MFHAS1: variants seen among roughly 807,000 people sequenced by gnomAD.
MFHAS1 encodes the protein multifunctional ROCO family signaling regulator 1, also known as malignant fibrous histiocytoma-amplified sequence 1.
MFHAS1 carries 50 observed loss-of-function variants against 70.4 expected under a neutral mutation model. The observed-to-expected ratio is 0.71, with a 90% CI of 0.57 to 0.90. MFHAS1 has a LOEUF of 0.90. MFHAS1 is among the 40% of genes least tolerant of loss of function. MFHAS1 has a pLI of 0.00. For missense variants in MFHAS1, 1,795 were observed against 1,347.6 expected (o/e 1.33, Z -5.20); for synonymous variants, 952 against 620.0 (o/e 1.54, Z -7.96).
In MFHAS1 at chr8:8,785,959, C is replaced by G. The variant is rs1026661729; in HGVS notation, c.*63G>C. 6.5e-7 allele frequency: 1 copy of G among 1,547,290 alleles called. No individual in the cohort carries two copies. Among genetic ancestry groups the G allele is most frequent in the African/African-American group, 1.4e-5 (1 of 73,346 alleles). Reference sequence around the variant, plus strand: ...GTGAGTGCAGAGGGTCTGCCAGGTGCAAAAGATGGTCCAGGTGTTCAGATG... The same window carrying G: ...GTGAGTGCAGAGGGTCTGCCAGGTGGAAAAGATGGTCCAGGTGTTCAGATG... On this transcript the variant is annotated 3_prime_UTR_variant, in exon 3 of 3. Coordinates refer to ENST00000276282, the MANE Select transcript of MFHAS1 (RefSeq NM_004225.3).
At chr8:8,847,105 A>G (rs1163497269) in intron 1 of MFHAS1, among the ~76,000 whole-genome samples, 3 of 152,184 alleles carry the variant, frequency 2.0e-5, no homozygotes, top group Non-Finnish European at 4.4e-5. Flanking sequence ...TGAGGCTAAC[A>G]CCAATGATAT....
intron 1 of MFHAS1, among the ~76,000 whole-genome samples, chr8:8,808,123 C>T (rs554872274): frequency 4.3e-4 from 65 of 152,266 alleles, no homozygotes; most frequent in African/African-American, 1.4e-3. Flanking sequence ...ACACTGTAGA[C>T]GCTCCCCTGG....
intron 1 of MFHAS1, among the ~76,000 whole-genome samples, chr8:8,829,891 G>A (rs1223632119): frequency 5.3e-5 from 8 of 152,202 alleles, no homozygotes; most frequent in Admixed American, 2.6e-4. Context: ...GTTCAGAGGT[G>A]CCCAGAGGCC....
At chr8:8,808,387 C>T (rs556490511) in intron 1 of MFHAS1, among the ~76,000 whole-genome samples, 18 of 152,366 alleles carry the variant, frequency 1.2e-4, no homozygotes, top group Admixed American at 8.5e-4. Context: ...GGCACTTTCT[C>T]GGTTATCAGA....
rs540423771 is a variant in MFHAS1, at chr8:8,869,464, T to C, written c.2998+20597A>G. Among the ~76,000 whole-genome samples the C allele has an allele frequency of 6.6e-5, 10 of 152,292 alleles. No homozygotes were observed. The South Asian group carries it at 1.2e-3, about 19-fold the overall frequency. Reference sequence around the variant, plus strand: ...TAAAGCGGTGACAGGTTACTAGATATTTATAAAGTCTCTTATTTCTATGAG... The same window carrying C: ...TAAAGCGGTGACAGGTTACTAGATACTTATAAAGTCTCTTATTTCTATGAG... On this transcript the variant is annotated intron_variant, in intron 1 of 2. Coordinates refer to ENST00000276282, the MANE Select transcript of MFHAS1 (RefSeq NM_004225.3).
chr8:8,891,184 C>G lies in MFHAS1; in HGVS notation c.1875G>C (p.Leu625Phe). ...NHRLQILSPV[L>F]PVSCRDPRHL... The stretch of plus-strand genomic sequence containing the variant: ...GGCGCGGGTCCCTGCAGCTAACAGG[C>G]AACACGGGGGAGAGGATCTGCAGCC... Residue 625 changes from leucine (L) to phenylalanine (F), a missense_variant, in exon 1 of 3, where the codon TTG becomes TTC. Coordinates refer to ENST00000276282, the MANE Select transcript of MFHAS1 (RefSeq NM_004225.3). The surrounding 1 kb of genome is among the most constrained non-coding windows in gnomAD (Gnocchi z 5.4). 1 of 1,613,196 alleles carries G rather than the reference C, an allele frequency of 6.2e-7. No homozygotes were observed. Among genetic ancestry groups the G allele is most frequent in the East Asian group, 2.2e-5 (1 of 44,882 alleles).
intron 1 of MFHAS1, among the ~76,000 whole-genome samples, chr8:8,811,881 A>G (rs1182067578): frequency 6.6e-6 from 1 of 152,216 alleles, no homozygotes; most frequent in Non-Finnish European, 1.5e-5. Context: ...CGGGGGCCAG[A>G]GTCCACACCC....
intron 1 of MFHAS1, among the ~76,000 whole-genome samples, chr8:8,811,503 C>G (rs1296858835): frequency 6.6e-6 from 1 of 152,180 alleles, no homozygotes; most frequent in African/African-American, 2.4e-5. Flanking sequence ...GTCTCAGACT[C>G]ATGGTCTCAA....
rs1809997621 is a variant in MFHAS1 at position 8,891,008 on chromosome 8, C to A, written c.2051G>T (p.Trp684Leu). Residue 684 changes from tryptophan to leucine, a missense_variant, in exon 1 of 3, where the codon TGG (tryptophan) becomes TTG (leucine). Trp to Leu is a moderately conservative substitution (Grantham distance 61). Transcript: ENST00000276282. The surrounding 1 kb of genome is among the most constrained non-coding windows in gnomAD (Gnocchi z 5.4). Reference sequence around the variant, plus strand: ...CTGCAGGCCCAAGCGCGCCGAGTCCCACCAGCTTAGCCACAGTCGCTGGGC... The same window carrying A: ...CTGCAGGCCCAAGCGCGCCGAGTCCAACCAGCTTAGCCACAGTCGCTGGGC... ...PQAQRLWLSWWDSARLGLQAG... is the reference protein window; with the variant it reads ...PQAQRLWLSWLDSARLGLQAG... 1 of 1,613,768 alleles carries A rather than the reference C, an allele frequency of 6.2e-7. No homozygotes were observed. Among genetic ancestry groups the A allele is most frequent in the Non-Finnish European group, 8.5e-7 (1 of 1,179,980 alleles).
chr8:8,862,409 A>G (rs1480630677), intron 1 of MFHAS1, among the ~76,000 whole-genome samples: 1 of 150,224 alleles, frequency 6.7e-6, no homozygotes, highest in Admixed American at 6.6e-5. Context: ...TTAATCAGAT[A>G]TATATTTTTC....
intron 2 of MFHAS1, among the ~76,000 whole-genome samples, chr8:8,786,407 C>T (rs10107316): frequency 6.6e-6 from 1 of 152,170 alleles, no homozygotes; most frequent in African/African-American, 2.4e-5. Flanking sequence ...TGTTTCCTTT[C>T]AATAAACACA....
chr8:8,812,756 A>T (rs1380656532), intron 1 of MFHAS1, among the ~76,000 whole-genome samples: 2 of 152,056 alleles, frequency 1.3e-5, no homozygotes, highest in East Asian at 3.9e-4. Flanking sequence ...ACAGTCAGGC[A>T]CTGTCTAATG....
intron 1 of MFHAS1, among the ~76,000 whole-genome samples, chr8:8,878,449 C>T (rs574818476): frequency 3.3e-5 from 5 of 152,248 alleles, no homozygotes; most frequent in East Asian, 1.9e-4. Context: ...GTCTCTGCAA[C>T]ATGAGAAAAC....
chr8:8,848,722 C>A (rs1563202618), intron 1 of MFHAS1, among the ~76,000 whole-genome samples: 1 of 152,082 alleles, frequency 6.6e-6, no homozygotes, highest in South Asian at 2.1e-4. Context: ...TACATTAGGA[C>A]GTGTTTTTTA....
chr8:8,814,530 T>C (rs1806666435), intron 1 of MFHAS1, among the ~76,000 whole-genome samples: 1 of 152,218 alleles, frequency 6.6e-6, no homozygotes, highest in African/African-American at 2.4e-5. Context: ...AATTTCTTTA[T>C]TTAAATGGTA....
intron 1 of MFHAS1, among the ~76,000 whole-genome samples, chr8:8,827,509 G>A (rs547332234): frequency 6.6e-6 from 1 of 152,328 alleles, no homozygotes; most frequent in South Asian, 2.1e-4. Context: ...TTTAAACAAA[G>A]TGAAGTTTAC....
chr8:8,822,459 G>C (rs1425521765), intron 1 of MFHAS1, among the ~76,000 whole-genome samples: 1 of 151,144 alleles, frequency 6.6e-6, no homozygotes, highest in Non-Finnish European at 1.5e-5. Context: ...CAGGGACCAA[G>C]TCAGGGGGGA....
intron 1 of MFHAS1, among the ~76,000 whole-genome samples, chr8:8,809,087 G>T (rs931170094): frequency 6.6e-6 from 1 of 152,148 alleles, no homozygotes; most frequent in Non-Finnish European, 1.5e-5. Flanking sequence ...TCTAGGTTGC[G>T]CGCTCCTTGT....
chr8:8,817,161 C>T (rs1806777510), intron 1 of MFHAS1, among the ~76,000 whole-genome samples: 1 of 152,132 alleles, frequency 6.6e-6, no homozygotes, highest in African/African-American at 2.4e-5. Context: ...GAGCACCATC[C>T]TCTCTCCATC....
Sources: gnomAD v4.1 joint callset for allele counts (sites outside exome capture counted in the v4.1 genomes callset) on GRCh38, gnomAD v4.1.1 for gene constraint, Gnocchi (gnomAD v3.1) non-coding constraint, MANE v1.5 for transcripts, NCBI Gene and HGNC (gene_info 2026-07-23, HGNC 2026-07-21) for gene names.